QTMAN: variants seen among roughly 807,000 people sequenced by gnomAD.
The protein encoded by QTMAN is queuosine-tRNA mannosyltransferase, also known as tRNA-queuosine alpha-mannosyltransferase.
the QTMAN span, among the ~76,000 whole-genome samples, chr2:144,100,859 C>CTTTTTTTTT: frequency 2.8e-3 from 217 of 77,922 alleles, 8 homozygotes; most frequent in Non-Finnish European, 3.8e-3. Context: ...GTCTTTCTTT[C>CTTTTTTTTT]TTTTTTTTTT....
At chr2:144,087,977 A>C in the QTMAN span, among the ~76,000 whole-genome samples, 1 of 152,080 alleles carries the variant, frequency 6.6e-6, no homozygotes, top group Non-Finnish European at 1.5e-5. Flanking sequence ...GACAATAGGA[A>C]AAAATAAAAG....
At chr2:143,939,001 T>C in the QTMAN span, 7 of 152,382 alleles carry the variant, frequency 4.6e-5, no homozygotes, top group East Asian at 5.8e-4. Flanking sequence ...TCCAGGGAAG[T>C]AGATTAGCAG....
the QTMAN span, chr2:144,208,810 T>A: frequency 3.3e-6 from 5 of 1,492,666 alleles, no homozygotes; most frequent in African/African-American, 2.8e-5. Flanking sequence ...AGATCCTAAA[T>A]AACAACCAAA....
chr2:144,030,290 T>C, the QTMAN span, among the ~76,000 whole-genome samples: 1 of 152,162 alleles, frequency 6.6e-6, no homozygotes, highest in South Asian at 2.1e-4. Context: ...GCAGTATTAA[T>C]ATAGTGCTTA....
the QTMAN span, among the ~76,000 whole-genome samples, chr2:143,952,607 T>G: frequency 6.6e-6 from 1 of 151,758 alleles, no homozygotes; most frequent in Non-Finnish European, 1.5e-5. Flanking sequence ...ATGGTAAATA[T>G]AAGCTTACTC....
chr2:144,149,017 G>C, the QTMAN span, among the ~76,000 whole-genome samples: 1 of 151,828 alleles, frequency 6.6e-6, no homozygotes, highest in Non-Finnish European at 1.5e-5. Flanking sequence ...CACCCAAAAA[G>C]AAGTAATGAA....
At chr2:144,160,839 C>T in the QTMAN span, among the ~76,000 whole-genome samples, 6 of 152,258 alleles carry the variant, frequency 3.9e-5, no homozygotes, top group African/African-American at 1.2e-4. Context: ...TTCTTACACA[C>T]AACTGGTACG....
the QTMAN span, among the ~76,000 whole-genome samples, chr2:144,148,374 A>G: frequency 6.6e-6 from 1 of 151,886 alleles, no homozygotes. Context: ...ACAGGTGTGT[A>G]GTAATTCATA....
At chr2:144,141,864 A>C in the QTMAN span, 1 of 1,557,108 alleles carries the variant, frequency 6.4e-7, no homozygotes, top group African/African-American at 1.4e-5. Context: ...TATTGAGAAC[A>C]GAGTCAAACA....
At chr2:144,088,781 A>T in the QTMAN span, among the ~76,000 whole-genome samples, 1 of 152,058 alleles carries the variant, frequency 6.6e-6, no homozygotes, top group Non-Finnish European at 1.5e-5. Flanking sequence ...CAGAAAAATA[A>T]AACTAGATGA....
chr2:144,112,613 G>A, the QTMAN span, among the ~76,000 whole-genome samples: 10 of 152,150 alleles, frequency 6.6e-5, no homozygotes, highest in African/African-American at 9.7e-5. Context: ...ACACCATGGC[G>A]AAAACCACGC....
At chr2:144,238,900 T>TGCCACTCTACTAGA in the QTMAN span, among the ~76,000 whole-genome samples, 3 of 152,160 alleles carry the variant, frequency 2.0e-5, no homozygotes, top group Non-Finnish European at 4.4e-5. Flanking sequence ...TCTACTAGAC[T>TGCCACTCTACTAGA]GTGGCATTGG....
the QTMAN span, chr2:143,945,813 T>A: frequency 1.3e-5 from 2 of 152,258 alleles, no homozygotes; most frequent in Non-Finnish European, 2.9e-5. Context: ...TTTACCTTAA[T>A]GACTACAAAT....
At chr2:144,332,881 C>G in the QTMAN span, among the ~76,000 whole-genome samples, 1 of 152,222 alleles carries the variant, frequency 6.6e-6, no homozygotes, top group African/African-American at 2.4e-5. Context: ...TAGTCACCTT[C>G]TCTTTCCTTC....
the QTMAN span, among the ~76,000 whole-genome samples, chr2:144,225,185 C>T: frequency 2.6e-5 from 4 of 152,148 alleles, no homozygotes; most frequent in Non-Finnish European, 5.9e-5. Context: ...TGGAAAGCAC[C>T]TTCTACTGGG....
chr2:144,323,496 T>C, the QTMAN span, among the ~76,000 whole-genome samples: 1 of 152,156 alleles, frequency 6.6e-6, no homozygotes, highest in Admixed American at 6.5e-5. Flanking sequence ...TCATCGATCA[T>C]TGCTTTTACA....
At chr2:143,995,001 C>T in the QTMAN span, among the ~76,000 whole-genome samples, 1 of 152,104 alleles carries the variant, frequency 6.6e-6, no homozygotes, top group South Asian at 2.1e-4. Context: ...TATATCACTC[C>T]TGCTAAAATC....
At chr2:144,065,178 G>A in the QTMAN span, among the ~76,000 whole-genome samples, 3 of 152,160 alleles carry the variant, frequency 2.0e-5, no homozygotes, top group Non-Finnish European at 2.9e-5. Context: ...TTTATGACCT[G>A]TGCTCTACCG....
chr2:144,215,346 G>C, the QTMAN span, among the ~76,000 whole-genome samples: 267 of 150,118 alleles, frequency 1.8e-3, 2 homozygotes, highest in Middle Eastern at 0.011. Context: ...CTTATTCCAG[G>C]ACTTGAATTA....
Sources: allele counts gnomAD v4.1 joint callset (sites outside exome capture counted in the v4.1 genomes callset), GRCh38; gene constraint gnomAD v4.1.1; transcripts MANE v1.5; gene names NCBI Gene and HGNC (gene_info 2026-07-23, HGNC 2026-07-21).